CENPK: variants seen among roughly 807,000 people sequenced by gnomAD.
CENPK encodes the protein SoxLZ/Sox6-binding protein Solt.
Under a neutral mutation model 40.9 loss-of-function variants are expected in CENPK, and 46 were observed. The ratio of observed to expected loss-of-function variants is 1.13; its 90% confidence interval spans 0.89 to 1.44. The LOEUF is 1.44. Among genes scored for constraint, CENPK ranks in the 40% most tolerant of loss-of-function variants. The pLI is 0.00. For synonymous variants in CENPK, 107 were observed against 104.4 expected (o/e 1.02, Z -0.15); for missense variants, 288 against 303.5 (o/e 0.95, Z 0.38).
At chr5:65,532,241 C>T (rs868741141) in intron 6 of CENPK, among the ~76,000 whole-genome samples, 24 of 152,184 alleles carry the variant, frequency 1.6e-4, no homozygotes, top group Middle Eastern at 3.4e-3. Context: ...CAAATTTTCA[C>T]AGATGAAAAT....
intron 2 of CENPK, among the ~76,000 whole-genome samples, chr5:65,555,600 C>T (rs1415425529): frequency 6.6e-6 from 1 of 152,106 alleles, no homozygotes; most frequent in African/African-American, 2.4e-5. Context: ...GCAGGAAAAC[C>T]AATTAGAAAG....
intron 2 of CENPK, chr5:65,560,953 C>T (rs1751853825): frequency 6.6e-6 from 1 of 152,092 alleles, no homozygotes; most frequent in African/African-American, 2.4e-5. Context: ...CCAGACTATA[C>T]AGGTTTAAAT....
chr5:65,510,219 T>C, the CENPK span, among the ~76,000 whole-genome samples: 1 of 152,072 alleles, frequency 6.6e-6, no homozygotes, highest in African/African-American at 2.4e-5. Context: ...GTTACCCAAG[T>C]AGTGAATATA....
intron 5 of CENPK, among the ~76,000 whole-genome samples, chr5:65,547,113 C>T (rs1345102704): frequency 1.3e-5 from 2 of 152,126 alleles, no homozygotes; most frequent in East Asian, 3.8e-4. Context: ...ATATTTGAGG[C>T]TGGGCGTGGT....
chr5:65,535,517 A>C (rs1746720891), intron 6 of CENPK, among the ~76,000 whole-genome samples: 1 of 152,216 alleles, frequency 6.6e-6, no homozygotes, highest in Non-Finnish European at 1.5e-5. Context: ...TGGAGTATAC[A>C]TAGTTAAGGT....
Position 65,563,145 on chromosome 5 carries a change from C to G in CENPK, c.-189G>C, listed in dbSNP as rs1226707165. 7 of 855,584 alleles carry G rather than the reference C, an allele frequency of 8.2e-6. No individual in the cohort carries two copies. The African/African-American group carries it at 1.0e-4, about 13-fold the overall frequency. The allele number at this position is 855,584 out of a possible 1,614,324, so 53.0% of individuals were successfully genotyped here. ...GGTCGCCTAGGCGCTGCGCAGGAAG[C>G]GCTTGCCAGCCCCGGACTTCTGCGC... On this transcript the variant is annotated 5_prime_UTR_variant, in exon 1 of 11. Coordinates refer to ENST00000396679, the MANE Select transcript of CENPK (RefSeq NM_022145.5).
At chr5:65,534,152 A>G (rs1746451643) in intron 6 of CENPK, among the ~76,000 whole-genome samples, 1 of 152,166 alleles carries the variant, frequency 6.6e-6, no homozygotes. Context: ...ACTTGACAAA[A>G]GATGTGCAAG....
chr5:65,498,469 G>A, the CENPK span, among the ~76,000 whole-genome samples: 1 of 151,646 alleles, frequency 6.6e-6, no homozygotes. Flanking sequence ...AGTTACAATC[G>A]TCTTAAATAT....
intron 6 of CENPK, chr5:65,541,297 C>G: frequency 2.3e-6 from 1 of 435,590 alleles, no homozygotes; most frequent in Non-Finnish European, 4.7e-6. Context: ...CAACTGGTAT[C>G]TGAAACCGGG....
At chr5:65,502,883 G>A in the CENPK span, among the ~76,000 whole-genome samples, 1 of 151,962 alleles carries the variant, frequency 6.6e-6, no homozygotes, top group Non-Finnish European at 1.5e-5. Flanking sequence ...TCGGCTCACG[G>A]CAACCTCCAC....
chr5:65,535,541 CCTGA>C (rs1746729584), intron 6 of CENPK, among the ~76,000 whole-genome samples: 1 of 152,162 alleles, frequency 6.6e-6, no homozygotes, highest in Non-Finnish European at 1.5e-5. Flanking sequence ...TTACACAATA[CCTGA>C]CTGACTCCCA....
chr5:65,540,124 T>C (rs1202954553), intron 6 of CENPK, among the ~76,000 whole-genome samples: 1 of 152,260 alleles, frequency 6.6e-6, no homozygotes, highest in Non-Finnish European at 1.5e-5. Context: ...TTTCTCATTC[T>C]TTACAGTAGG....
chr5:65,551,527 G>A, intron 5 of CENPK, 37 bp downstream of exon 5: 2 of 1,151,066 alleles, frequency 1.7e-6, no homozygotes, highest in Non-Finnish European at 2.5e-6. Flanking sequence ...CTATTAATAG[G>A]TTTACAAAAA....
At chr5:65,526,832 C>T (rs1744792776) in intron 9 of CENPK, among the ~76,000 whole-genome samples, 1 of 152,090 alleles carries the variant, frequency 6.6e-6, no homozygotes, top group East Asian at 1.9e-4. Flanking sequence ...GTGGTTCACA[C>T]CTGTAATCCC....
the CENPK span, among the ~76,000 whole-genome samples, chr5:65,501,994 T>C: frequency 2.1e-4 from 32 of 152,284 alleles, no homozygotes; most frequent in South Asian, 6.2e-3. Context: ...ATGGCCTTCT[T>C]ACTGCTGGCA....
the CENPK span, among the ~76,000 whole-genome samples, chr5:65,498,497 G>C: frequency 6.6e-6 from 1 of 151,840 alleles, no homozygotes. Flanking sequence ...ACATCACTGA[G>C]AATCAAATCA....
Position 65,553,115 on chromosome 5 carries a change from T to G in CENPK, c.112-566A>C, listed in dbSNP as rs1013422693. Among the ~76,000 whole-genome samples, 12 of 151,750 alleles carry G rather than the reference T, an allele frequency of 7.9e-5. No homozygotes were observed. In the South Asian group the frequency reaches 2.1e-3, roughly 26 times the overall value. ...ATACCTGAAGCAAAAAATAAAAAGG[T>G]GGGGGGATTATAAAAATTATCCTGA... is the stretch of plus-strand genomic sequence containing the variant. On this transcript the variant is annotated intron_variant, in intron 3 of 10. Coordinates refer to ENST00000396679, the MANE Select transcript of CENPK (RefSeq NM_022145.5).
the CENPK span, among the ~76,000 whole-genome samples, chr5:65,511,131 C>T: frequency 6.6e-6 from 1 of 152,146 alleles, no homozygotes; most frequent in Non-Finnish European, 1.5e-5. Flanking sequence ...ATCCACAAGG[C>T]CTTAACTCTT....
downstream of CENPK, among the ~76,000 whole-genome samples, chr5:65,513,972 G>A (rs1349937686): frequency 6.6e-6 from 1 of 152,104 alleles, no homozygotes; most frequent in South Asian, 2.1e-4. Flanking sequence ...GTATTGATAT[G>A]ATCATGACCT....
Sources: gnomAD v4.1 joint callset for allele counts (sites outside exome capture counted in the v4.1 genomes callset) on GRCh38, gnomAD v4.1.1 for gene constraint, MANE v1.5 for transcripts, NCBI Gene and HGNC (gene_info 2026-07-23, HGNC 2026-07-21) for gene names.